ZNF462: variants seen among roughly 807,000 people sequenced by gnomAD.
ZNF462 encodes the protein zinc finger protein 462, also known as zinc finger PBX1-interacting protein.
Under a neutral mutation model 201.9 loss-of-function variants are expected in ZNF462, and 10 were observed. The ratio of observed to expected loss-of-function variants is 0.05; its 90% CI spans 0.03 to 0.08. ZNF462 has a LOEUF of 0.08. Among genes scored for constraint, ZNF462 ranks in the 10% least tolerant of loss-of-function variants. ZNF462 has a pLI of 1.00. For missense variants in ZNF462, 2,523 were observed against 3,168.3 expected, an observed-to-expected ratio of 0.80 and a Z score of 4.89; for synonymous variants, 1,227 against 1,193.3, an observed-to-expected ratio of 1.03 and a Z score of -0.58.
upstream of ZNF462, chr9:106,863,116 G>A: frequency 2.5e-6 from 1 of 398,462 alleles, no homozygotes; most frequent in Non-Finnish European, 4.4e-6. Context: ...GGGAGGGAGA[G>A]AGAGAGAGAG....
intron 7 of ZNF462, among the ~76,000 whole-genome samples, chr9:106,951,311 C>T (rs1360472367): frequency 6.6e-6 from 1 of 152,178 alleles, no homozygotes; most frequent in East Asian, 1.9e-4. Flanking sequence ...TAGGAGAGAA[C>T]GTTGAGTAAA....
chr9:106,925,987 A>G lies in ZNF462; in HGVS notation c.2075A>G (p.Lys692Arg). The change falls in exon 3 of 13, where the codon AAG (lysine) becomes AGG (arginine). Residue 692 changes from lysine (K) to arginine (R), a missense_variant. Transcript: ENST00000277225. This position sits in a 1 kb window ranked among gnomAD's most constrained non-coding sequence, Gnocchi z 7.9. Reference protein sequence around the residue: ...DFPLDLSPVKKRTRIDEIASN... With the variant: ...DFPLDLSPVKRRTRIDEIASN... ...CCTCTAGATTTGTCACCCGTGAAGAAGAGAACCAGGATTGACGAGATAGCA... is the reference window on the plus strand; with the variant it reads ...CCTCTAGATTTGTCACCCGTGAAGAGGAGAACCAGGATTGACGAGATAGCA... The G allele has an allele frequency of 6.2e-7, 1 of 1,614,232 alleles. No individual in the cohort carries two copies. The highest frequency in any genetic ancestry group is 8.5e-7 in the Non-Finnish European group (1 of 1,180,038).
intron 6 of ZNF462, among the ~76,000 whole-genome samples, chr9:106,937,067 T>C (rs527538378): frequency 2.0e-5 from 3 of 152,344 alleles, no homozygotes; most frequent in African/African-American, 7.2e-5. Context: ...TCTTGACTCA[T>C]CTTGTCTTTT....
chr9:106,897,419 A>G (rs1828858498), intron 1 of ZNF462, among the ~76,000 whole-genome samples: 1 of 152,192 alleles, frequency 6.6e-6, no homozygotes, highest in South Asian at 2.1e-4. Context: ...CTTTGTCTAC[A>G]CTGTTGAACT....
At position 106,932,120 on chromosome 9, in the gene ZNF462, G is replaced by A. The variant is rs1830449179; in HGVS notation, c.6013-326G>A. ...AGTTGGGCTTGCTCTCCCTCTAGGG[G>A]TAGCTGGAGAGGCAGGGGAGGAAGC... On this transcript the variant is annotated intron_variant, in intron 4 of 12. Transcript: ENST00000277225. The surrounding 1 kb of genome is among the most constrained non-coding windows in gnomAD (Gnocchi z 6.8). 2.3e-6 allele frequency: 3 copies of A among 1,289,782 alleles called. No homozygotes were observed. The highest frequency in any genetic ancestry group is 1.5e-5 in the South Asian group (1 of 66,994). The allele number at this position is 1,289,782 out of a possible 1,614,324, so 79.9% of individuals were successfully genotyped here. A position where few individuals can be genotyped will look rare whatever the true frequency, so the allele number is the denominator to read the frequency against.
rs1057229938 is a variant in ZNF462, at chr9:106,933,637, T to C, written c.6116+1088T>C. On this transcript the variant is annotated intron_variant, in intron 5 of 12. Coordinates refer to ENST00000277225, the MANE Select transcript of ZNF462 (RefSeq NM_021224.6). This position sits in a 1 kb window ranked among gnomAD's most constrained non-coding sequence, Gnocchi z 4.3. ...AGGGTCAAGGGTTGGTTTATGAAATTAAAAAAAAACAAAACAAAACCCACT... is the reference window on the plus strand; with the variant it reads ...AGGGTCAAGGGTTGGTTTATGAAATCAAAAAAAAACAAAACAAAACCCACT... Among the ~76,000 whole-genome samples the C allele has an allele frequency of 1.1e-4, 17 of 150,004 alleles. No homozygotes were observed. The highest frequency in any genetic ancestry group is 4.2e-4 in the African/African-American group (17 of 40,720).
intron 1 of ZNF462, among the ~76,000 whole-genome samples, chr9:106,881,812 A>G (rs1283151113): frequency 6.6e-6 from 1 of 152,210 alleles, no homozygotes; most frequent in Non-Finnish European, 1.5e-5. Flanking sequence ...TGACTCCAAA[A>G]TCTGGTAAAA....
chr9:106,863,277 G>A lies in ZNF462; in HGVS notation c.-109G>A, dbSNP rs1827136058. 5.0e-6 allele frequency: 2 copies of A among 399,046 alleles called. No homozygotes were observed. The highest frequency in any genetic ancestry group is 4.1e-5 in the African/African-American group (2 of 48,620). 24.7% of individuals were successfully genotyped at this position (399,046 alleles called of 1,614,324 possible). A position where few individuals can be genotyped will look rare whatever the true frequency, so the allele number is the denominator to read the frequency against. On this transcript the variant is annotated 5_prime_UTR_variant, in exon 1 of 13. Transcript: ENST00000277225. Reference sequence around the variant, plus strand: ...TCCACAACAATAACCCGAGCAGGAAGAGGAGAAAGAGAAAGAGGATAAGGA... The same window carrying A: ...TCCACAACAATAACCCGAGCAGGAAAAGGAGAAAGAGAAAGAGGATAAGGA...
Position 106,977,220 on chromosome 9 carries a change from T to G in ZNF462, c.6832+2947T>G, listed in dbSNP as rs1370070771. ...ACAGAGCTGCATGTCTGCCTTGCAA[T>G]TTTGAGTTGGGGCTGATCTCAAAGT... On this transcript the variant is annotated intron_variant, in intron 9 of 12. Transcript: ENST00000277225. This position sits in a 1 kb window ranked among gnomAD's most constrained non-coding sequence, Gnocchi z 4.6. Among the ~76,000 whole-genome samples, 2 of 147,224 alleles carry G rather than the reference T, an allele frequency of 1.4e-5. No homozygotes were observed. Among genetic ancestry groups the G allele is most frequent in the Non-Finnish European group, 2.9e-5 (2 of 68,004 alleles).
rs1830113950 is a variant in ZNF462, at chr9:106,924,586, A to T, written c.674A>T (p.Glu225Val). Residue 225 changes from glutamate (E) to valine (V), a missense_variant, in exon 3 of 13, where the codon GAG becomes GTG. Transcript: ENST00000277225. The surrounding 1 kb of genome is among the most constrained non-coding windows in gnomAD (Gnocchi z 6.2). ...AAGGAACTGCCAGCAGAGGTTGTGG[A>T]GCGCAGCATCTTAGAGTCTATGGTC... ...PCKELPAEVV[E>V]RSILESMVKP... is the part of the protein sequence containing the mutation. 1 of 1,614,072 alleles carries T rather than the reference A, an allele frequency of 6.2e-7. No homozygotes were observed. Among genetic ancestry groups the T allele is most frequent in the African/African-American group, 1.3e-5 (1 of 74,924 alleles).
rs1830378072 is a variant in ZNF462, at chr9:106,930,425, A to G, written c.5848-100A>G. The G allele has an allele frequency of 4.8e-6, 7 of 1,465,758 alleles. No homozygotes were observed. Among genetic ancestry groups the G allele is most frequent in the Non-Finnish European group, 6.5e-6 (7 of 1,084,000 alleles). 90.8% of individuals were successfully genotyped at this position (1,465,758 alleles called of 1,614,324 possible). On this transcript the variant is annotated intron_variant, in intron 3 of 12. Coordinates refer to ENST00000277225, the MANE Select transcript of ZNF462 (RefSeq NM_021224.6). The surrounding 1 kb of genome is among the most constrained non-coding windows in gnomAD (Gnocchi z 5.8). ...TATCTCCCTTGGTTTTTAACCTGCT[A>G]ATCGGCTTTAAAATAAAGTATGTTA...
Position 106,870,055 on chromosome 9 carries a change from C to T in ZNF462, c.-31+6700C>T, listed in dbSNP as rs1827520679. ...TATCTTTTTTCTAAGTCCTCCTATT[C>T]TCATCAGCTGAAGCACGTACAGGAT... On this transcript the variant is annotated intron_variant, in intron 1 of 12. Transcript: ENST00000277225. This position sits in a 1 kb window ranked among gnomAD's most constrained non-coding sequence, Gnocchi z 4.3. 1.3e-5 allele frequency among the ~76,000 whole-genome samples: 2 copies of T among 152,136 alleles called. No individual in the cohort carries two copies. The highest frequency in any genetic ancestry group is 4.1e-4 in the South Asian group (2 of 4,826).
At position 107,011,078 on chromosome 9, in the gene ZNF462, A is replaced by T; in HGVS notation, c.*48A>T. On this transcript the variant is annotated 3_prime_UTR_variant, in exon 13 of 13. Coordinates refer to ENST00000277225, the MANE Select transcript of ZNF462 (RefSeq NM_021224.6). The surrounding 1 kb of genome is among the most constrained non-coding windows in gnomAD (Gnocchi z 5.6). ...AAACCTTACTTGAACAGTGATGAAA[A>T]AGTGGGAGGGCTGGCTTGGGCTGAG... 6.3e-7 allele frequency: 1 copy of T among 1,592,752 alleles called. No homozygotes were observed. The highest frequency in any genetic ancestry group is 2.3e-5 in the East Asian group (1 of 44,326).
At position 106,865,689 on chromosome 9, in the gene ZNF462, A is replaced by C. The variant is rs1827299396; in HGVS notation, c.-31+2334A>C. Among the ~76,000 whole-genome samples, 1 of 152,166 alleles carries C rather than the reference A, an allele frequency of 6.6e-6. No homozygotes were observed. The highest frequency in any genetic ancestry group is 1.5e-5 in the Non-Finnish European group (1 of 68,036). ...TTCAGAAATATCAGTATGTCTTCTTAACAATGTCGCTATGGAAACAAATTT... is the reference window on the plus strand; with the variant it reads ...TTCAGAAATATCAGTATGTCTTCTTCACAATGTCGCTATGGAAACAAATTT... On this transcript the variant is annotated intron_variant, in intron 1 of 12. Transcript: ENST00000277225. This position sits in a 1 kb window ranked among gnomAD's most constrained non-coding sequence, Gnocchi z 4.1.
intron 1 of ZNF462, among the ~76,000 whole-genome samples, chr9:106,891,224 T>C (rs1158003716): frequency 6.6e-6 from 1 of 152,236 alleles, no homozygotes; most frequent in Non-Finnish European, 1.5e-5. Context: ...ACCTTGAAGC[T>C]CATGCTTTTT....
chr9:106,991,953 A>G (rs1828312602), intron 10 of ZNF462, among the ~76,000 whole-genome samples: 1 of 151,792 alleles, frequency 6.6e-6, no homozygotes, highest in South Asian at 2.1e-4. Context: ...ATAATAGAAG[A>G]TTATATCATC....
At chr9:106,971,273 C>T (rs934050806) in intron 7 of ZNF462, among the ~76,000 whole-genome samples, 2 of 151,096 alleles carry the variant, frequency 1.3e-5, no homozygotes, top group African/African-American at 4.9e-5. Flanking sequence ...TTTCCTTTCT[C>T]GTGTAGACGC....
rs996564635 is a variant in ZNF462, at chr9:106,885,016, T to A, written c.-31+21661T>A. On this transcript the variant is annotated intron_variant, in intron 1 of 12. Transcript: ENST00000277225. The surrounding 1 kb of genome is among the most constrained non-coding windows in gnomAD (Gnocchi z 4.1). ...AAGATAAGAAGTAACTTGGAGAGGTTAAGATTCTGCTTCAAAGCAATGTAT... is the reference window on the plus strand; with the variant it reads ...AAGATAAGAAGTAACTTGGAGAGGTAAAGATTCTGCTTCAAAGCAATGTAT... Among the ~76,000 whole-genome samples, 2 of 152,198 alleles carry A rather than the reference T, an allele frequency of 1.3e-5. No individual in the cohort carries two copies. The highest frequency in any genetic ancestry group is 2.9e-5 in the Non-Finnish European group (2 of 68,016).
At chr9:106,979,313 G>T (rs1441180236) in intron 9 of ZNF462, 2 of 152,012 alleles carry the variant, frequency 1.3e-5, no homozygotes, top group Non-Finnish European at 2.9e-5. Flanking sequence ...TGGGTGAATT[G>T]GTTAATCACA....
Sources: allele counts gnomAD v4.1 joint callset (sites outside exome capture counted in the v4.1 genomes callset), GRCh38; gene constraint gnomAD v4.1.1; non-coding constraint Gnocchi (gnomAD v3.1); transcripts MANE v1.5; gene names NCBI Gene and HGNC (gene_info 2026-07-23, HGNC 2026-07-21).